The following USH2A variants were observed in gnomAD, a reference collection of about 807,000 sequenced individuals.
USH2A encodes Usher syndrome 2A (autosomal recessive, mild).
In USH2A, 443 loss-of-function variants were observed where a neutral mutation model predicts 538.9. That is an observed-to-expected ratio of 0.82 (90% CI 0.76 to 0.89). The LOEUF is 0.89. Ranked by LOEUF, USH2A falls within the 40% of genes least tolerant of loss-of-function variation. USH2A has a pLI of 0.00. For synonymous variants in USH2A, 2,413 were observed against 2,273.5 expected (o/e 1.06, Z -1.75); for missense variants, 6,633 against 6,324.8 (o/e 1.05, Z -1.65).
chr1:215,989,421 C>A (rs532366994), intron 35 of USH2A, among the ~76,000 whole-genome samples: 6 of 152,226 alleles, frequency 3.9e-5, no homozygotes, highest in Admixed American at 3.9e-4. Context: ...ACCTCCCCAC[C>A]TTGTGAGAAT....
chr1:216,024,738 T>C (rs544427083), intron 32 of USH2A, among the ~76,000 whole-genome samples: 3 of 152,142 alleles, frequency 2.0e-5, no homozygotes, highest in East Asian at 1.9e-4. Flanking sequence ...TGATGAGATA[T>C]AGCAGATAGC....
At chr1:215,719,193 G>C (rs1247431650) in intron 61 of USH2A, among the ~76,000 whole-genome samples, 1 of 151,952 alleles carries the variant, frequency 6.6e-6, no homozygotes, top group East Asian at 1.9e-4. Flanking sequence ...ATGTTCTGCT[G>C]ATATAATCCC....
intron 38 of USH2A, among the ~76,000 whole-genome samples, chr1:215,923,643 G>A (rs1455303697): frequency 6.6e-6 from 1 of 152,116 alleles, no homozygotes; most frequent in Non-Finnish European, 1.5e-5. Flanking sequence ...GATCTTGAAA[G>A]AGCCCAGGGT....
At chr1:216,112,617 C>CT (rs1375084219) in intron 21 of USH2A, among the ~76,000 whole-genome samples, 5 of 152,068 alleles carry the variant, frequency 3.3e-5, no homozygotes, top group Non-Finnish European at 7.4e-5. Context: ...TTCTGCCTCC[C>CT]TTCACCCTCA....
chr1:215,877,767 C>A lies in USH2A; in HGVS notation c.8672G>T (p.Gly2891Val), dbSNP rs1664810364. Residue 2891 changes from glycine to valine, a missense_variant, in exon 43 of 72, where the codon GGT becomes GTT. Transcript: ENST00000307340. The part of the protein sequence containing the change: ...SGTQWLYEDK[G>V]LSRFTTYEYM... Reference sequence around the variant, plus strand: ...GTTTTTGTAATCTCACCTGCTAAGACCCTTATCTTCATAAAGCCACTGAGT... The same window carrying A: ...GTTTTTGTAATCTCACCTGCTAAGAACCTTATCTTCATAAAGCCACTGAGT... The A allele has an allele frequency of 3.1e-6, 5 of 1,613,742 alleles. No homozygotes were observed. In the East Asian group the frequency reaches 6.7e-5, roughly 22 times the overall value.
chr1:216,301,606 A>G (rs1571679647), intron 9 of USH2A, among the ~76,000 whole-genome samples: 1 of 152,158 alleles, frequency 6.6e-6, no homozygotes, highest in Non-Finnish European at 1.5e-5. Context: ...AGAAACCAAA[A>G]GATGTAGTTA....
At chr1:216,094,420 TTCCTC>T (rs1451212294) in intron 22 of USH2A, among the ~76,000 whole-genome samples, 1 of 152,182 alleles carries the variant, frequency 6.6e-6, no homozygotes, top group Admixed American at 6.5e-5. Flanking sequence ...TCACTCATCT[TTCCTC>T]TCCTTCAAAT....
intron 61 of USH2A, among the ~76,000 whole-genome samples, chr1:215,685,584 C>T (rs1261531273): frequency 6.6e-6 from 1 of 152,060 alleles, no homozygotes; most frequent in Non-Finnish European, 1.5e-5. Flanking sequence ...TCTTGAACTT[C>T]GGACTTCAGG....
intron 71 of USH2A, 28 bp from the exon 72 acceptor site, chr1:215,625,898 TACATACTTGC>T: frequency 1.3e-6 from 2 of 1,585,124 alleles, no homozygotes; most frequent in Non-Finnish European, 1.7e-6. Flanking sequence ...CATCATTGGC[TACATACTTGC>T]TATCAATAGT....
At chr1:215,946,296 A>G (rs532013303) in intron 37 of USH2A, among the ~76,000 whole-genome samples, 1 of 152,320 alleles carries the variant, frequency 6.6e-6, no homozygotes, top group East Asian at 1.9e-4. Context: ...TTTTTTCTCA[A>G]TATAGGTGTT....
rs895470032 is a variant in USH2A at position 216,292,347 on chromosome 1, A to G, written c.1668T>C (p.Tyr556=). 1.2e-5 allele frequency: 19 copies of G among 1,613,902 alleles called. 1 individual carries two copies. Among genetic ancestry groups the G allele is most frequent in the East Asian group, 2.2e-5 (1 of 44,846 alleles). ...CACCTTGGCGGAAAGGCTTGTCATT[A>G]TAAAGAGGCAAGCAGCGATCACACT... ...GLHCDRCLPL[Y]NDKPFRQGDQ... The change falls in exon 10 of 72, where the codon TAT becomes TAC. Residue 556 remains tyrosine (Y), a synonymous_variant. Transcript: ENST00000307340.
chr1:216,335,378 C>T (rs2037948858), intron 4 of USH2A, among the ~76,000 whole-genome samples: 1 of 150,686 alleles, frequency 6.6e-6, no homozygotes, highest in Admixed American at 6.6e-5. Context: ...CCTTAAGAAA[C>T]TAGAAAAAGA....
chr1:216,418,692 C>A lies in USH2A; in HGVS notation c.486-13G>T, dbSNP rs116367260. 2 of 1,612,584 alleles carry A rather than the reference C, an allele frequency of 1.2e-6. No homozygotes were observed. Among genetic ancestry groups the A allele is most frequent in the Admixed American group, 1.7e-5 (1 of 59,890 alleles). On this transcript the variant is annotated splice_polypyrimidine_tract_variant and intron_variant, in intron 2 of 71. Transcript: ENST00000307340. ...TTCTATAACACACCTTAGGAAGCAA[C>A]CGGAAAAGAGAGAAAAGGTCAGCAT... is the stretch of plus-strand genomic sequence containing the variant.
chr1:215,883,707 T>C (rs1335179078), intron 41 of USH2A, among the ~76,000 whole-genome samples: 1 of 152,152 alleles, frequency 6.6e-6, no homozygotes, highest in Non-Finnish European at 1.5e-5. Context: ...TTTCAACAAA[T>C]ACTCGTTATC....
chr1:215,648,730 C>T lies in USH2A; in HGVS notation c.14380G>A (p.Gly4794Ser), dbSNP rs138488003. Residue 4794 changes from glycine to serine, a missense_variant, in exon 66 of 72, where the codon GGC becomes AGC. Physicochemically the swap from Gly to Ser is moderately conservative, Grantham distance 56 (BLOSUM62 0). Coordinates refer to ENST00000307340, the MANE Select transcript of USH2A (RefSeq NM_206933.4). ...GAGTAGTTAGTGAAGGCTTGAAGGCCATGGAGAGTCTGCTGGGTGGCCATG... is the reference window on the plus strand; with the variant it reads ...GAGTAGTTAGTGAAGGCTTGAAGGCTATGGAGAGTCTGCTGGGTGGCCATG... ...EGMATQQTLH[G>S]LQAFTNYSIG... is the part of the protein sequence containing the mutation. 7.7e-5 allele frequency: 124 copies of T among 1,614,108 alleles called. No individual in the cohort carries two copies. Among genetic ancestry groups the T allele is most frequent in the Non-Finnish European group, 1.0e-4 (120 of 1,180,018 alleles).
At chr1:215,795,667 C>T (rs1662105642) in intron 50 of USH2A, among the ~76,000 whole-genome samples, 1 of 152,148 alleles carries the variant, frequency 6.6e-6, no homozygotes, top group African/African-American at 2.4e-5. Context: ...CCCTCCCTGC[C>T]ACCTTGGTTC....
intron 71 of USH2A, among the ~76,000 whole-genome samples, chr1:215,626,143 TCA>T (rs1488508301): frequency 2.0e-5 from 3 of 151,626 alleles, no homozygotes; most frequent in African/African-American, 7.3e-5. Context: ...CTCAGAAGCC[TCA>T]GTCTACTCAT....
intron 4 of USH2A, among the ~76,000 whole-genome samples, chr1:216,350,448 C>T (rs1228379004): frequency 6.6e-6 from 1 of 152,106 alleles, no homozygotes; most frequent in Non-Finnish European, 1.5e-5. Context: ...AAATCAAAAC[C>T]CAGTTATTTA....
intron 9 of USH2A, among the ~76,000 whole-genome samples, chr1:216,300,893 C>A (rs1430270163): frequency 6.6e-6 from 1 of 151,758 alleles, no homozygotes; most frequent in African/African-American, 2.4e-5. Context: ...GTACTACAGG[C>A]ACACATCACC....
Sources: gnomAD v4.1 joint callset for allele counts (sites outside exome capture counted in the v4.1 genomes callset) on GRCh38, gnomAD v4.1.1 for gene constraint, MANE v1.5 for transcripts, NCBI Gene and HGNC (gene_info 2026-07-23, HGNC 2026-07-21) for gene names.